RAB3C: variants seen among roughly 807,000 people sequenced by gnomAD.
RAB3C encodes the protein ras-related protein Rab-3C.
A neutral mutation model predicts 26.4 loss-of-function variants in RAB3C; 17 were observed. That is an observed-to-expected ratio of 0.64 (90% CI 0.44 to 0.97). RAB3C has a LOEUF of 0.97. RAB3C is among the 50% of genes least tolerant of loss of function. The pLI, the probability that RAB3C is intolerant of heterozygous loss-of-function variation, is 0.00. For missense variants in RAB3C, 242 were observed against 281.9 expected (o/e 0.86, Z 1.01); for synonymous variants, 91 against 95.9 (o/e 0.95, Z 0.30).
chr5:58,693,553 A>G (rs1171525233), intron 2 of RAB3C, among the ~76,000 whole-genome samples: 1 of 151,956 alleles, frequency 6.6e-6, no homozygotes, highest in Non-Finnish European at 1.5e-5. Context: ...CTGTTCTTTG[A>G]TTAAAATAGA....
At chr5:58,767,377 A>T (rs890719815) in intron 3 of RAB3C, among the ~76,000 whole-genome samples, 1 of 152,162 alleles carries the variant, frequency 6.6e-6, no homozygotes, top group Non-Finnish European at 1.5e-5. Flanking sequence ...CCAGATTCTT[A>T]GCTTTATTCT....
intron 2 of RAB3C, among the ~76,000 whole-genome samples, chr5:58,636,953 T>A: frequency 6.6e-6 from 1 of 152,116 alleles, no homozygotes; most frequent in East Asian, 1.9e-4. Flanking sequence ...CATATGAAAA[T>A]TGGAAGCATG....
At chr5:58,620,455 G>C (rs563769268) in intron 2 of RAB3C, among the ~76,000 whole-genome samples, 1 of 152,228 alleles carries the variant, frequency 6.6e-6, no homozygotes, top group African/African-American at 2.4e-5. Flanking sequence ...GGAACTTGTA[G>C]TATAGTTAGA....
intron 3 of RAB3C, among the ~76,000 whole-genome samples, chr5:58,765,138 T>G (rs1455020295): frequency 6.6e-6 from 1 of 152,222 alleles, no homozygotes; most frequent in Admixed American, 6.5e-5. Flanking sequence ...CTGAGGATCA[T>G]GCATTGCTTG....
intron 2 of RAB3C, chr5:58,647,575 TTTAGC>T (rs1440791439): frequency 7.2e-5 from 11 of 152,088 alleles, no homozygotes; most frequent in African/African-American, 2.7e-4. Context: ...TATCAGATAC[TTTAGC>T]TATTTTTTAA....
intron 3 of RAB3C, among the ~76,000 whole-genome samples, chr5:58,779,146 G>A (rs927722862): frequency 2.0e-5 from 3 of 151,932 alleles, no homozygotes; most frequent in Non-Finnish European, 4.4e-5. Flanking sequence ...TCAAAAAGGA[G>A]AGTCCAGTCT....
intron 1 of RAB3C, among the ~76,000 whole-genome samples, chr5:58,597,543 T>C (rs913769414): frequency 1.5e-4 from 17 of 115,996 alleles, no homozygotes; most frequent in Non-Finnish European, 2.2e-4. Context: ...TATAAGCATA[T>C]AACAATATAT....
At chr5:58,768,179 A>G (rs1156696975) in intron 3 of RAB3C, among the ~76,000 whole-genome samples, 3 of 152,192 alleles carry the variant, frequency 2.0e-5, no homozygotes, top group African/African-American at 7.2e-5. Flanking sequence ...TGCCTACAGG[A>G]TCATGCAGCA....
chr5:58,803,516 T>C (rs1398509299), intron 3 of RAB3C, among the ~76,000 whole-genome samples: 2 of 152,204 alleles, frequency 1.3e-5, no homozygotes, highest in East Asian at 1.9e-4. Flanking sequence ...CAGCTCTATG[T>C]CTGTAAAAAT....
Position 58,854,510 on chromosome 5 carries a change from G to A in RAB3C, c.*3159G>A, listed in dbSNP as rs1744214553. ...GTGCACAAAGCGTCCTAAGATGGCAGTTTGAATGTTAGCATCGCATCTACA... is the reference window on the plus strand; with the variant it reads ...GTGCACAAAGCGTCCTAAGATGGCAATTTGAATGTTAGCATCGCATCTACA... On this transcript the variant is annotated 3_prime_UTR_variant, in exon 5 of 5. Transcript: ENST00000282878. The A allele has an allele frequency of 6.6e-6, 1 of 152,328 alleles. No homozygotes were observed. Among genetic ancestry groups the A allele is most frequent in the Non-Finnish European group, 1.5e-5 (1 of 68,024 alleles). 9.4% of individuals were successfully genotyped at this position (152,328 alleles called of 1,614,324 possible). A position where few individuals can be genotyped will look rare whatever the true frequency, so the allele number is the denominator to read the frequency against.
intron 2 of RAB3C, among the ~76,000 whole-genome samples, chr5:58,673,395 T>C (rs1192447038): frequency 6.6e-6 from 1 of 151,810 alleles, no homozygotes; most frequent in Non-Finnish European, 1.5e-5. Context: ...ATTTGGAAAC[T>C]GTAGGGGGAA....
At chr5:58,598,255 TTA>T (rs149986115) in intron 1 of RAB3C, among the ~76,000 whole-genome samples, 1 of 121,132 alleles carries the variant, frequency 8.3e-6, no homozygotes, top group Admixed American at 7.6e-5. Context: ...ATGTAATACA[TTA>T]TATATATATA....
intron 2 of RAB3C, among the ~76,000 whole-genome samples, chr5:58,693,230 TAA>T (rs528204752): frequency 4.1e-4 from 60 of 145,922 alleles, no homozygotes; most frequent in African/African-American, 1.3e-3. Flanking sequence ...ATAGTTAAGA[TAA>T]AGTTATAATT....
At chr5:58,800,374 G>A (rs1325284960) in intron 3 of RAB3C, among the ~76,000 whole-genome samples, 1 of 152,168 alleles carries the variant, frequency 6.6e-6, no homozygotes, top group African/African-American at 2.4e-5. Flanking sequence ...CTCACAGTAA[G>A]CTAGTGGTGT....
At chr5:58,649,039 T>A (rs1387817834) in intron 2 of RAB3C, among the ~76,000 whole-genome samples, 2 of 152,158 alleles carry the variant, frequency 1.3e-5, no homozygotes, top group African/African-American at 4.8e-5. Context: ...CAAGAACTGG[T>A]CACATGGTCC....
chr5:58,844,660 C>A lies in RAB3C; in HGVS notation c.497-6504C>A, dbSNP rs571996768. Among the ~76,000 whole-genome samples, 13 of 152,310 alleles carry A rather than the reference C, an allele frequency of 8.5e-5. No individual in the cohort carries two copies. The South Asian group carries it at 1.9e-3, about 22-fold the overall frequency. ...ACAGGAAAGGGGAGACAAGACATTG[C>A]AACTGTAACTAGAATCTGGAAAAAG... On this transcript the variant is annotated intron_variant, in intron 4 of 4. Transcript: ENST00000282878.
intron 3 of RAB3C, among the ~76,000 whole-genome samples, chr5:58,810,143 C>G (rs1357235289): frequency 1.3e-5 from 2 of 152,156 alleles, no homozygotes; most frequent in Non-Finnish European, 2.9e-5. Context: ...CAAAGCTTCA[C>G]CCCTCCTCCT....
At chr5:58,677,103 G>T (rs1331834822) in intron 2 of RAB3C, among the ~76,000 whole-genome samples, 3 of 152,142 alleles carry the variant, frequency 2.0e-5, no homozygotes, top group Non-Finnish European at 4.4e-5. Flanking sequence ...TGTGGCTTGA[G>T]GCAGCATAAC....
At chr5:58,826,519 A>G (rs1285843297) in intron 4 of RAB3C, among the ~76,000 whole-genome samples, 2 of 151,948 alleles carry the variant, frequency 1.3e-5, no homozygotes, top group Non-Finnish European at 2.9e-5. Flanking sequence ...GAGAATATTG[A>G]GGCATTCTTA....
Sources: gnomAD v4.1 joint callset for allele counts (sites outside exome capture counted in the v4.1 genomes callset) on GRCh38, gnomAD v4.1.1 for gene constraint, MANE v1.5 for transcripts, NCBI Gene and HGNC (gene_info 2026-07-23, HGNC 2026-07-21) for gene names.